TANC2: variants seen among roughly 807,000 people sequenced by gnomAD.
The protein encoded by TANC2 is protein TANC2.
In TANC2, 26 loss-of-function variants were observed where a neutral mutation model predicts 210.5. That is an observed-to-expected ratio of 0.12 (90% CI 0.09 to 0.17). The LOEUF (loss-of-function observed/expected upper bound fraction) is 0.17. TANC2 is among the 10% of genes least tolerant of loss of function. TANC2 has a pLI of 1.00. For missense variants in TANC2, 2,129 were observed against 2,608.9 expected (o/e 0.82, Z 4.01); for synonymous variants, 931 against 967.1 (o/e 0.96, Z 0.69).
intron 5 of TANC2, among the ~76,000 whole-genome samples, chr17:63,174,029 G>A (rs1253669386): frequency 2.0e-5 from 3 of 152,118 alleles, no homozygotes; most frequent in Non-Finnish European, 1.5e-5. Context: ...CTCCCCTACA[G>A]CCACTTGTGC....
intron 7 of TANC2, among the ~76,000 whole-genome samples, chr17:63,233,254 A>C (rs1251505011): frequency 6.9e-6 from 1 of 145,906 alleles, no homozygotes; most frequent in Non-Finnish European, 1.5e-5. Flanking sequence ...TTTCCAGCCA[A>C]GAGGCCGCCG....
At chr17:63,357,920 A>G (rs1394236972) in intron 14 of TANC2, among the ~76,000 whole-genome samples, 1 of 152,184 alleles carries the variant, frequency 6.6e-6, no homozygotes, top group East Asian at 1.9e-4. Context: ...CAGTAGATCA[A>G]AGAAGACCAA....
Position 63,395,948 on chromosome 17 carries a change from A to T in TANC2, c.3237+20A>T. 2 of 1,588,666 alleles carry T rather than the reference A, an allele frequency of 1.3e-6. No homozygotes were observed. Among genetic ancestry groups the T allele is most frequent in the South Asian group, 1.1e-5 (1 of 87,496 alleles). ...ACTGAGGTAAGAAGTAGGCAATAGG[A>T]TTGTTTTTTCAAGCTCTGTATTGAA... On this transcript the variant is annotated intron_variant, in intron 18 of 27. Coordinates refer to ENST00000689528, the Ensembl canonical transcript of TANC2.
chr17:63,329,439 C>T (rs183569058), intron 11 of TANC2, among the ~76,000 whole-genome samples: 7 of 152,076 alleles, frequency 4.6e-5, no homozygotes, highest in African/African-American at 1.7e-4. Context: ...AGTTTTTTAC[C>T]TATCAACTAG....
chr17:63,384,997 G>GT (rs1040356631), intron 15 of TANC2, among the ~76,000 whole-genome samples: 1 of 152,162 alleles, frequency 6.6e-6, no homozygotes, highest in Admixed American at 6.5e-5. Flanking sequence ...GAACTTTAGA[G>GT]TAAAAACAGA....
chr17:63,411,830 T>C, intron 22 of TANC2, 144 bp downstream of exon 22: 1 of 1,401,194 alleles, frequency 7.1e-7, no homozygotes. Flanking sequence ...GCAAGAATAT[T>C]CAAAATGCTG....
At chr17:63,058,646 C>T (rs2035889729) in intron 2 of TANC2, among the ~76,000 whole-genome samples, 1 of 152,130 alleles carries the variant, frequency 6.6e-6, no homozygotes, top group Non-Finnish European at 1.5e-5. Flanking sequence ...ATATGGCTAG[C>T]CACTTATCTC....
intron 1 of TANC2, among the ~76,000 whole-genome samples, chr17:63,005,893 A>T (rs2033599508): frequency 8.3e-6 from 1 of 121,014 alleles, no homozygotes; most frequent in African/African-American, 3.1e-5. Flanking sequence ...CTGGCTGTAT[A>T]GTTTGTGTGT....
chr17:62,997,787 A>G (rs929305605), intron 1 of TANC2, among the ~76,000 whole-genome samples: 8 of 152,334 alleles, frequency 5.3e-5, no homozygotes, highest in African/African-American at 1.9e-4. Context: ...ATGTCAAGAA[A>G]CTTGTTTCTC....
At chr17:63,172,427 C>G (rs2040436714) in intron 5 of TANC2, among the ~76,000 whole-genome samples, 1 of 152,012 alleles carries the variant, frequency 6.6e-6, no homozygotes, top group South Asian at 2.1e-4. Context: ...GGTGATCCAC[C>G]CACCTCAGCC....
chr17:63,418,572 A>G lies in TANC2; in HGVS notation c.4268+165A>G, dbSNP rs1200243370. Among the ~76,000 whole-genome samples, 2 of 152,266 alleles carry G rather than the reference A, an allele frequency of 1.3e-5. No homozygotes were observed. Among genetic ancestry groups the G allele is most frequent in the African/African-American group, 2.4e-5 (1 of 41,478 alleles). On this transcript the variant is annotated intron_variant, in intron 27 of 27. Coordinates refer to ENST00000689528, the Ensembl canonical transcript of TANC2. This position sits in a 1 kb window ranked among gnomAD's most constrained non-coding sequence, Gnocchi z 4.6. ...CTCCCATAGCACAGCCCTCAGCTCA[A>G]GATCAGCAAATCTGCTGGGCTGTGG...
intron 11 of TANC2, among the ~76,000 whole-genome samples, chr17:63,320,666 A>G (rs2045467050): frequency 6.6e-6 from 1 of 152,164 alleles, no homozygotes; most frequent in South Asian, 2.1e-4. Context: ...CAATATTGCT[A>G]CTAAATACTC....
chr17:63,355,570 T>C (rs1159139609), intron 14 of TANC2, among the ~76,000 whole-genome samples, 180 bp downstream of exon 14: 1 of 152,212 alleles, frequency 6.6e-6, no homozygotes, highest in Non-Finnish European at 1.5e-5. Flanking sequence ...TACAATGTTA[T>C]TTCCTTAAGA....
chr17:63,176,805 CAAA>C (rs60736520), intron 5 of TANC2, among the ~76,000 whole-genome samples: 50 of 93,140 alleles, frequency 5.4e-4, no homozygotes, highest in South Asian at 1.1e-3. Flanking sequence ...GACTCCATCT[CAAA>C]AAAAAAAAAA....
chr17:63,220,750 G>A (rs1338323464), intron 7 of TANC2, among the ~76,000 whole-genome samples: 2 of 142,840 alleles, frequency 1.4e-5, no homozygotes, highest in African/African-American at 5.2e-5. Flanking sequence ...ATATATATAT[G>A]TGTATATACG....
At chr17:63,182,576 G>A (rs2040826601) in intron 5 of TANC2, 1 of 220,998 alleles carries the variant, frequency 4.5e-6, no homozygotes, top group Admixed American at 4.2e-5. Flanking sequence ...AGAAGCAGAA[G>A]CTGAGGAACA....
exon 28 of TANC2, chr17:63,425,939 CAGAG>C (rs765419996): frequency 1.3e-5 from 2 of 152,206 alleles, no homozygotes; most frequent in Non-Finnish European, 2.9e-5. Flanking sequence ...TGGTTTGATT[CAGAG>C]AGAGTTATTT....
chr17:63,233,805 T>C (rs1421772059), intron 7 of TANC2, among the ~76,000 whole-genome samples: 2 of 152,232 alleles, frequency 1.3e-5, no homozygotes, highest in Non-Finnish European at 2.9e-5. Context: ...GCTGTGCCCT[T>C]GTGAATGTTT....
At chr17:63,372,272 C>T (rs1477548698) in intron 14 of TANC2, among the ~76,000 whole-genome samples, 1 of 152,062 alleles carries the variant, frequency 6.6e-6, no homozygotes, top group Non-Finnish European at 1.5e-5. Flanking sequence ...GTTACAATTC[C>T]AAGTTGCATT....
Sources: allele counts gnomAD v4.1 joint callset (sites outside exome capture counted in the v4.1 genomes callset), GRCh38; gene constraint gnomAD v4.1.1; non-coding constraint Gnocchi (gnomAD v3.1); transcripts MANE v1.5; gene names NCBI Gene and HGNC (gene_info 2026-07-23, HGNC 2026-07-21).